The following CD109 variants were observed in gnomAD, a reference collection of about 807,000 sequenced individuals.
CD109 encodes the protein CD109 molecule.
Under a neutral mutation model 165.8 loss-of-function variants are expected in CD109, and 149 were observed. The ratio of observed to expected loss-of-function variants is 0.90; its 90% CI spans 0.79 to 1.03. The LOEUF (loss-of-function observed/expected upper bound fraction) is 1.03. Among genes scored for constraint, CD109 ranks in the 50% least tolerant of loss-of-function variants. The pLI is 0.00. For synonymous variants in CD109, 585 were observed against 592.1 expected (o/e 0.99, Z 0.18); for missense variants, 1,712 against 1,677.8 (o/e 1.02, Z -0.36).
In CD109 at chr6:73,787,363, A is replaced by C. The variant is rs1167006900; in HGVS notation, c.2467A>C (p.Arg823=). ...EDGATVLFPI[R]PTHLGEIPIT... ...TGGGGCAACTGTTCTTTTTCCCATC[A>C]GGCCAACACATCTGGGAGAAATTCC... Residue 823 remains arginine (R), a synonymous_variant, in exon 21 of 33, where the codon AGG becomes CGG. Coordinates refer to ENST00000287097, the MANE Select transcript of CD109 (RefSeq NM_133493.5). 6.2e-7 allele frequency: 1 copy of C among 1,614,130 alleles called. No homozygotes were observed.
intron 2 of CD109, among the ~76,000 whole-genome samples, chr6:73,720,173 CA>C (rs541620761): frequency 1.3e-5 from 2 of 150,688 alleles, no homozygotes; most frequent in East Asian, 1.9e-4. Flanking sequence ...TTTTTTTTAA[CA>C]AAAAAAATGT....
chr6:73,729,280 T>C (rs1772255009), intron 3 of CD109, among the ~76,000 whole-genome samples: 1 of 152,118 alleles, frequency 6.6e-6, no homozygotes, highest in Non-Finnish European at 1.5e-5. Context: ...GCTTCACCTT[T>C]TGAAGGGACT....
intron 27 of CD109, 57 bp downstream of exon 27, chr6:73,810,231 TTA>T (rs1417743607): frequency 4.3e-5 from 18 of 415,854 alleles, no homozygotes; most frequent in Non-Finnish European, 6.6e-5. Flanking sequence ...GATTTATTTA[TTA>T]TATATATTTT....
intron 2 of CD109, among the ~76,000 whole-genome samples, chr6:73,708,190 G>A (rs887753526): frequency 4.0e-5 from 6 of 151,354 alleles, no homozygotes; most frequent in Non-Finnish European, 7.4e-5. Context: ...GATGTTCCCC[G>A]TCCTGTGTCC....
intron 24 of CD109, among the ~76,000 whole-genome samples, chr6:73,803,537 G>A (rs150670911): frequency 6.6e-6 from 1 of 152,150 alleles, no homozygotes; most frequent in African/African-American, 2.4e-5. Flanking sequence ...GTGTGTGTGT[G>A]TGTGTGGAAG....
At chr6:73,808,885 T>TA (rs1451969364) in intron 26 of CD109, among the ~76,000 whole-genome samples, 1 of 151,366 alleles carries the variant, frequency 6.6e-6, no homozygotes, top group Non-Finnish European at 1.5e-5. Flanking sequence ...AGAAATAAGA[T>TA]AATGTCCAGT....
intron 22 of CD109, among the ~76,000 whole-genome samples, chr6:73,790,411 A>G (rs1774881718): frequency 6.6e-6 from 1 of 152,202 alleles, no homozygotes; most frequent in Admixed American, 6.5e-5. Flanking sequence ...GTACTTTTTA[A>G]TTAGACATAG....
chr6:73,779,617 A>G (rs1440369457), intron 15 of CD109, among the ~76,000 whole-genome samples: 1 of 151,956 alleles, frequency 6.6e-6, no homozygotes, highest in Admixed American at 6.6e-5. Flanking sequence ...TTGTTTATCC[A>G]TTTTTCTGCT....
chr6:73,692,488 T>C (rs1461886349), upstream of CD109, among the ~76,000 whole-genome samples: 1 of 152,224 alleles, frequency 6.6e-6, no homozygotes, highest in African/African-American at 2.4e-5. Context: ...AATAGCATTT[T>C]GGTGAATATC....
At position 73,825,072 on chromosome 6, in the gene CD109, A is replaced by G. The variant is rs920763241; in HGVS notation, c.*1439A>G. Reference sequence around the variant, plus strand: ...GTATGCAAATGTATCTTTTAAAGTTAATTTTTAAAAATGCTCTTATTTTAG... The same window carrying G: ...GTATGCAAATGTATCTTTTAAAGTTGATTTTTAAAAATGCTCTTATTTTAG... On this transcript the variant is annotated 3_prime_UTR_variant, in exon 33 of 33. Transcript: ENST00000287097. 6.6e-6 allele frequency: 1 copy of G among 152,200 alleles called. No individual in the cohort carries two copies. The highest frequency in any genetic ancestry group is 2.4e-5 in the African/African-American group (1 of 41,456). 9.4% of individuals were successfully genotyped at this position (152,200 alleles called of 1,614,324 possible).
intron 5 of CD109, among the ~76,000 whole-genome samples, chr6:73,750,272 T>C (rs1294819316): frequency 6.6e-6 from 1 of 152,004 alleles, no homozygotes; most frequent in Non-Finnish European, 1.5e-5. Context: ...TCAGTTTGGG[T>C]GAGTGGTATG....
the CD109 span, among the ~76,000 whole-genome samples, chr6:73,679,626 CTGTTTTTTTTTGTTTTT>C: frequency 8.1e-6 from 1 of 123,678 alleles, no homozygotes. Context: ...CTTTTCTTTT[CTGTTTTTTTTTGTTTTT>C]TGTTTTTTTT....
At chr6:73,783,565 C>T (rs1186926980) in intron 18 of CD109, 142 bp from the exon 19 acceptor site, 2 of 621,158 alleles carry the variant, frequency 3.2e-6, no homozygotes, top group Admixed American at 2.8e-5. Context: ...ATACTTAAAC[C>T]TTTTAAATGG....
intron 22 of CD109, among the ~76,000 whole-genome samples, chr6:73,791,118 C>CAT (rs574272386): frequency 4.7e-5 from 3 of 63,464 alleles, no homozygotes; most frequent in African/African-American, 7.2e-5. Context: ...TATTTGGAGG[C>CAT]ATATATATAC....
At chr6:73,690,558 C>T in the CD109 span, among the ~76,000 whole-genome samples, 1,494 of 152,198 alleles carry the variant, frequency 9.8e-3, 30 homozygotes, top group African/African-American at 0.034. Context: ...TGTGCCACCA[C>T]GCCTTGCTAA....
chr6:73,823,650 T>C lies in CD109; in HGVS notation c.*17T>C. ...TGGCTGTGATTTATTTTTAAAGGAC[T>C]CTGTGTAACACTAACATTTCCAGTA... On this transcript the variant is annotated 3_prime_UTR_variant, in exon 33 of 33. Coordinates refer to ENST00000287097, the MANE Select transcript of CD109 (RefSeq NM_133493.5). 1.3e-6 allele frequency: 2 copies of C among 1,593,066 alleles called. No homozygotes were observed. Among genetic ancestry groups the C allele is most frequent in the Non-Finnish European group, 1.7e-6 (2 of 1,164,664 alleles).
chr6:73,792,179 ATCC>A (rs1341369887), intron 22 of CD109, among the ~76,000 whole-genome samples: 1 of 152,210 alleles, frequency 6.6e-6, no homozygotes, highest in Admixed American at 6.5e-5. Context: ...AAACACTACA[ATCC>A]TCATTGTTTT....
chr6:73,792,799 C>A lies in CD109; in HGVS notation c.2875C>A (p.Gln959Lys). Residue 959 changes from glutamine (Q) to lysine (K), a missense_variant, in exon 23 of 33, where the codon CAA becomes AAA. Gln to Lys is a moderately conservative substitution (Grantham distance 53, BLOSUM62 1). Coordinates refer to ENST00000287097, the MANE Select transcript of CD109 (RefSeq NM_133493.5). ...LKEKALSFMR[Q>K]GYQRELLYQR... The stretch of plus-strand genomic sequence containing the variant: ...AGAAAAAGCTCTTTCATTTATGAGG[C>A]AAGGTAAGCATTTTAGAGACCTACA... 1 of 1,605,466 alleles carries A rather than the reference C, an allele frequency of 6.2e-7. No individual in the cohort carries two copies. The highest frequency in any genetic ancestry group is 8.5e-7 in the Non-Finnish European group (1 of 1,178,498).
At chr6:73,805,463 G>A (rs1489645424) in intron 24 of CD109, among the ~76,000 whole-genome samples, 3 of 152,260 alleles carry the variant, frequency 2.0e-5, no homozygotes, top group East Asian at 3.9e-4. Flanking sequence ...ATTTTATACC[G>A]AGACATTCCA....
Sources: allele counts gnomAD v4.1 joint callset (sites outside exome capture counted in the v4.1 genomes callset), GRCh38; gene constraint gnomAD v4.1.1; transcripts MANE v1.5; gene names NCBI Gene and HGNC (gene_info 2026-07-23, HGNC 2026-07-21).